TECPR2: variants seen among roughly 807,000 people sequenced by gnomAD.
TECPR2 encodes the protein tectonin beta-propeller repeat-containing protein 2.
Under a neutral mutation model 138.1 loss-of-function variants are expected in TECPR2, and 65 were observed. The ratio of observed to expected loss-of-function variants is 0.47; its 90% CI spans 0.39 to 0.58. The LOEUF is 0.58. Among genes scored for constraint, TECPR2 ranks in the 20% least tolerant of loss-of-function variants. The pLI is 0.00. For synonymous variants in TECPR2, 746 were observed against 749.8 expected (o/e 0.99, Z 0.08); for missense variants, 1,553 against 1,824.5 (o/e 0.85, Z 2.71).
chr14:102,494,268 C>T (rs1488410701), intron 17 of TECPR2, among the ~76,000 whole-genome samples: 2 of 152,172 alleles, frequency 1.3e-5, no homozygotes, highest in South Asian at 2.1e-4. Flanking sequence ...CGTGGCTGGG[C>T]GCAGTGGCTC....
intron 17 of TECPR2, among the ~76,000 whole-genome samples, chr14:102,490,304 C>G (rs2139796271): frequency 6.6e-6 from 1 of 152,242 alleles, no homozygotes; most frequent in African/African-American, 2.4e-5. Context: ...TGTTTCTGAC[C>G]TAATAGAAAA....
chr14:102,490,601 C>T (rs563139753), intron 17 of TECPR2, among the ~76,000 whole-genome samples: 21 of 152,266 alleles, frequency 1.4e-4, no homozygotes, highest in African/African-American at 3.8e-4. Flanking sequence ...CGCGACCACC[C>T]GGGGTGCTGA....
At chr14:102,396,015 G>A (rs764145620) in intron 2 of TECPR2, among the ~76,000 whole-genome samples, 12 of 151,972 alleles carry the variant, frequency 7.9e-5, no homozygotes, top group African/African-American at 1.7e-4. Context: ...AGTAGAACTT[G>A]GATCTGGGGC....
intron 4 of TECPR2, among the ~76,000 whole-genome samples, chr14:102,409,861 G>A (rs1388402817): frequency 1.3e-5 from 2 of 152,162 alleles, no homozygotes; most frequent in Non-Finnish European, 2.9e-5. Flanking sequence ...CTGGAGTGCA[G>A]TGGCGCGATC....
chr14:102,437,001 A>G (rs1302236261), intron 9 of TECPR2: 5 of 985,366 alleles, frequency 5.1e-6, no homozygotes, highest in Non-Finnish European at 4.8e-6. Context: ...CTGACTCTCT[A>G]ACTTCCTCCC....
intron 11 of TECPR2, among the ~76,000 whole-genome samples, chr14:102,442,782 C>T (rs1889869075): frequency 6.6e-6 from 1 of 152,198 alleles, no homozygotes; most frequent in African/African-American, 2.4e-5. Context: ...AGTCACGGAG[C>T]ATATTTGAGT....
Position 102,419,517 on chromosome 14 carries a change from C to T in TECPR2, c.638+4724C>T, listed in dbSNP as rs1251399925. ...GGGGACAGAGTGCAGGCGGTGGCCTCAGTTGGGCCCTCTCATGGGCAGCAG... is the reference window on the plus strand; with the variant it reads ...GGGGACAGAGTGCAGGCGGTGGCCTTAGTTGGGCCCTCTCATGGGCAGCAG... On this transcript the variant is annotated intron_variant, in intron 5 of 19. Transcript: ENST00000359520. This position sits in a 1 kb window ranked among gnomAD's most constrained non-coding sequence, Gnocchi z 4.8. Among the ~76,000 whole-genome samples the T allele has an allele frequency of 3.3e-5, 5 of 151,950 alleles. No individual in the cohort carries two copies. Among genetic ancestry groups the T allele is most frequent in the Non-Finnish European group, 7.4e-5 (5 of 67,980 alleles).
Position 102,457,869 on chromosome 14 carries a change from C to CTTTTTTTTTTTTTTTTTTTTTTTT in TECPR2, c.3640+5263_3640+5264insTTTTTTTTTTTTTTTTTTTTTTTT, listed in dbSNP as rs748372168. ...CGCTCCTCTGCTCCCACTAAATTCC[C>CTTTTTTTTTTTTTTTTTTTTTTTT]TTTTTTTTTTTTTTTTTTTTTGAGA... On this transcript the variant is annotated intron_variant, in intron 16 of 19. Transcript: ENST00000359520. Among the ~76,000 whole-genome samples the CTTTTTTTTTTTTTTTTTTTTTTTT allele has an allele frequency of 1.3e-4, 13 of 102,746 alleles. 2 individuals are homozygous for CTTTTTTTTTTTTTTTTTTTTTTTT. Among genetic ancestry groups the CTTTTTTTTTTTTTTTTTTTTTTTT allele is most frequent in the African/African-American group, 4.5e-4 (11 of 24,488 alleles). The allele number at this position is 102,746 out of a possible 152,430, so 67.4% of individuals were successfully genotyped here.
intron 12 of TECPR2, among the ~76,000 whole-genome samples, chr14:102,444,262 C>T (rs28664137): frequency 0.038 from 5,724 of 151,176 alleles, 297 homozygotes; most frequent in African/African-American, 0.12. Flanking sequence ...GCCACGATCA[C>T]GGCTCACTGC....
rs182655288 is a variant in TECPR2 at position 102,435,067 on chromosome 14, G to C, written c.2250G>C (p.Thr750=). 6.2e-7 allele frequency: 1 copy of C among 1,613,874 alleles called. No individual in the cohort carries two copies. The highest frequency in any genetic ancestry group is 2.2e-5 in the East Asian group (1 of 44,884). The change falls in exon 9 of 20, where the codon ACG becomes ACC. Residue 750 remains threonine (T), a synonymous_variant. Coordinates refer to ENST00000359520, the MANE Select transcript of TECPR2 (RefSeq NM_014844.5). ...LEQPPRDQTL[T]SSDEEDIYAH... is the part of the protein sequence containing the mutation. ...AGCCTCCACGGGATCAGACATTGAC[G>C]TCCAGCGATGAGGAGGACATCTATG... is the stretch of plus-strand genomic sequence containing the variant.
Position 102,498,331 on chromosome 14 carries a change from G to T in TECPR2, c.*74G>T. Reference sequence around the variant, plus strand: ...ACAGGGGCTTCAGAGTGACTCCCTGGTGGACGCGCTGCCTCAACACTTGTC... The same window carrying T: ...ACAGGGGCTTCAGAGTGACTCCCTGTTGGACGCGCTGCCTCAACACTTGTC... On this transcript the variant is annotated 3_prime_UTR_variant, in exon 20 of 20. Coordinates refer to ENST00000359520, the MANE Select transcript of TECPR2 (RefSeq NM_014844.5). 1 of 1,497,944 alleles carries T rather than the reference G, an allele frequency of 6.7e-7. No individual in the cohort carries two copies. The highest frequency in any genetic ancestry group is 1.4e-5 in the African/African-American group (1 of 72,754). The allele number at this position is 1,497,944 out of a possible 1,614,324, so 92.8% of individuals were successfully genotyped here. A position where few individuals can be genotyped will look rare whatever the true frequency, so the allele number is the denominator to read the frequency against.
At chr14:102,478,168 C>G (rs1890809058) in intron 17 of TECPR2, among the ~76,000 whole-genome samples, 5 of 151,868 alleles carry the variant, frequency 3.3e-5, no homozygotes, top group Admixed American at 3.3e-4. Flanking sequence ...ACCTCAGCCT[C>G]CCAACTAGCT....
intron 4 of TECPR2, among the ~76,000 whole-genome samples, chr14:102,410,690 C>T (rs1305666286): frequency 1.3e-5 from 2 of 152,212 alleles, no homozygotes; most frequent in Non-Finnish European, 2.9e-5. Context: ...CCAACTTAGA[C>T]TGTGCCCCCC....
chr14:102,434,525 A>G lies in TECPR2; in HGVS notation c.1708A>G (p.Met570Val). Residue 570 changes from methionine (M) to valine (V), a missense_variant, in exon 9 of 20, where the codon ATG becomes GTG. Coordinates refer to ENST00000359520, the MANE Select transcript of TECPR2 (RefSeq NM_014844.5). ...TGAGGAAGATGACATTAGAACTGAA[A>G]TGCCACACTGTCACCATGCACATGG... ...LAEEDDIRTE[M>V]PHCHHAHGRE... 6.4e-7 allele frequency: 1 copy of G among 1,558,492 alleles called. No homozygotes were observed. Among genetic ancestry groups the G allele is most frequent in the African/African-American group, 1.4e-5 (1 of 73,600 alleles).
intron 18 of TECPR2, 35 bp downstream of exon 18, chr14:102,497,155 C>G: frequency 1.3e-6 from 2 of 1,596,856 alleles, no homozygotes; most frequent in South Asian, 2.2e-5. Flanking sequence ...TGGTGCCGGC[C>G]AGCCGGGGCT....
At chr14:102,498,020 T>C (rs951251655) in intron 19 of TECPR2, 83 bp from the exon 20 acceptor site, 9 of 1,550,314 alleles carry the variant, frequency 5.8e-6, no homozygotes, top group Admixed American at 1.8e-5. Flanking sequence ...AGCCCAGACC[T>C]GCGCCCAAGC....
chr14:102,465,350 G>A (rs1179489200), intron 17 of TECPR2, 61 bp downstream of exon 17: 2 of 1,590,062 alleles, frequency 1.3e-6, no homozygotes, highest in East Asian at 2.2e-5. Context: ...TGAGGATGCT[G>A]GTACTGGGAA....
intron 17 of TECPR2, among the ~76,000 whole-genome samples, chr14:102,474,252 A>G (rs1318791117): frequency 6.6e-6 from 1 of 152,080 alleles, no homozygotes; most frequent in South Asian, 2.1e-4. Flanking sequence ...TGGGCAACAG[A>G]GCAAGACCCT....
At chr14:102,436,860 CA>C (rs1213246454) in intron 9 of TECPR2, among the ~76,000 whole-genome samples, 2 of 152,218 alleles carry the variant, frequency 1.3e-5, no homozygotes, top group Admixed American at 6.5e-5. Context: ...GCAGGAAGCG[CA>C]AGCAGCATGG....
Sources: allele counts gnomAD v4.1 joint callset (sites outside exome capture counted in the v4.1 genomes callset), GRCh38; gene constraint gnomAD v4.1.1; non-coding constraint Gnocchi (gnomAD v3.1); transcripts MANE v1.5; gene names NCBI Gene and HGNC (gene_info 2026-07-23, HGNC 2026-07-21).